The following ERBB4 variants were observed in gnomAD, a reference collection of about 807,000 sequenced individuals.
ERBB4 encodes the protein erb-b2 receptor tyrosine kinase 4.
In ERBB4, 42 loss-of-function variants were observed where a neutral mutation model predicts 158.0. The ratio of observed to expected loss-of-function variants is 0.27; its 90% CI spans 0.21 to 0.34. The LOEUF is 0.34. Ranked by LOEUF, ERBB4 falls within the 10% of genes least tolerant of loss-of-function variation. ERBB4 has a pLI of 1.00. For missense variants in ERBB4, 1,333 were observed against 1,624.1 expected (o/e 0.82, Z 3.08); for synonymous variants, 583 against 558.7 (o/e 1.04, Z -0.61).
intron 1 of ERBB4, among the ~76,000 whole-genome samples, chr2:212,493,465 GT>G (rs1311220349): frequency 6.6e-6 from 1 of 151,308 alleles, no homozygotes; most frequent in Non-Finnish European, 1.5e-5. Context: ...TGCTAATATT[GT>G]TTATGTTTAA....
chr2:211,878,298 C>G, intron 3 of ERBB4, among the ~76,000 whole-genome samples: 1 of 151,790 alleles, frequency 6.6e-6, no homozygotes, highest in Admixed American at 6.6e-5. Context: ...TAGGCCTAAA[C>G]AACTAAAGAA....
intron 1 of ERBB4, among the ~76,000 whole-genome samples, chr2:212,280,094 T>G (rs1362260839): frequency 6.6e-6 from 1 of 151,496 alleles, no homozygotes; most frequent in Non-Finnish European, 1.5e-5. Context: ...AATAAATTAT[T>G]TGAAAAATAA....
intron 1 of ERBB4, among the ~76,000 whole-genome samples, chr2:212,403,713 T>C (rs1458291420): frequency 1.3e-5 from 2 of 152,030 alleles, no homozygotes; most frequent in Non-Finnish European, 2.9e-5. Flanking sequence ...GAATGGTGAC[T>C]GCCAGGGACT....
At chr2:211,723,925 A>G (rs1392360808) in intron 6 of ERBB4, among the ~76,000 whole-genome samples, 1 of 152,226 alleles carries the variant, frequency 6.6e-6, no homozygotes, top group Non-Finnish European at 1.5e-5. Flanking sequence ...AAAGTAATGA[A>G]ATGATAATTT....
In ERBB4 at chr2:211,485,207, C is replaced by G. The variant is rs561184838; in HGVS notation, c.2488-54107G>C. ...ACCTTCTTTTTGTGTCTTAGTTTTACAAATCTTGATTGACTTTGTGAAATA... is the reference window on the plus strand; with the variant it reads ...ACCTTCTTTTTGTGTCTTAGTTTTAGAAATCTTGATTGACTTTGTGAAATA... On this transcript the variant is annotated intron_variant, in intron 20 of 27. Transcript: ENST00000342788. Among the ~76,000 whole-genome samples, 16 of 151,768 alleles carry G rather than the reference C, an allele frequency of 1.1e-4. No individual in the cohort carries two copies. In the East Asian group the frequency reaches 2.9e-3, roughly 28 times the overall value.
intron 3 of ERBB4, among the ~76,000 whole-genome samples, chr2:211,823,607 T>A (rs760444738): frequency 1.1e-4 from 17 of 152,032 alleles, no homozygotes; most frequent in Non-Finnish European, 2.2e-4. Flanking sequence ...TGTAATCTTA[T>A]CTAACTTAAA....
intron 2 of ERBB4, among the ~76,000 whole-genome samples, chr2:212,079,999 T>C (rs1341889608): frequency 6.6e-6 from 1 of 151,910 alleles, no homozygotes; most frequent in African/African-American, 2.4e-5. Context: ...AGTTCATTAA[T>C]CATAAAAGGA....
chr2:212,298,775 T>A (rs987833304), intron 1 of ERBB4, among the ~76,000 whole-genome samples: 3 of 151,738 alleles, frequency 2.0e-5, no homozygotes, highest in Admixed American at 2.0e-4. Flanking sequence ...AATAGCAAAA[T>A]GATTTTTTTG....
At chr2:211,770,221 C>G (rs2075656522) in intron 4 of ERBB4, among the ~76,000 whole-genome samples, 1 of 152,142 alleles carries the variant, frequency 6.6e-6, no homozygotes. Context: ...ATGTTCCTTG[C>G]TTTGTATTTT....
chr2:212,388,165 T>C (rs2090740267), intron 1 of ERBB4, among the ~76,000 whole-genome samples: 1 of 152,108 alleles, frequency 6.6e-6, no homozygotes, highest in South Asian at 2.1e-4. Context: ...CTGTACTAAC[T>C]AGAGTTTTAT....
intron 3 of ERBB4, among the ~76,000 whole-genome samples, chr2:211,856,799 A>T (rs1033451355): frequency 6.6e-6 from 1 of 152,110 alleles, no homozygotes; most frequent in South Asian, 2.1e-4. Context: ...ATTTGATACA[A>T]CTATTATTAA....
At chr2:212,422,102 G>A (rs1162653539) in intron 1 of ERBB4, among the ~76,000 whole-genome samples, 2 of 152,168 alleles carry the variant, frequency 1.3e-5, no homozygotes, top group African/African-American at 2.4e-5. Context: ...TTAGAATCTT[G>A]TAATATGACT....
At position 212,013,939 on chromosome 2, in the gene ERBB4, C is replaced by T. The variant is rs536388570; in HGVS notation, c.235-66323G>A. On this transcript the variant is annotated intron_variant, in intron 2 of 27. Transcript: ENST00000342788. Reference sequence around the variant, plus strand: ...GTTTTAAGCCACCCAGTTTGTCATACGTCATTACTGCAGCCCTAAGAAGCT... The same window carrying T: ...GTTTTAAGCCACCCAGTTTGTCATATGTCATTACTGCAGCCCTAAGAAGCT... 3.9e-5 allele frequency among the ~76,000 whole-genome samples: 6 copies of T among 152,306 alleles called. No homozygotes were observed. In the South Asian group the frequency reaches 6.2e-4, roughly 16 times the overall value.
chr2:211,400,865 G>A (rs1387275115), intron 25 of ERBB4, among the ~76,000 whole-genome samples: 1 of 151,990 alleles, frequency 6.6e-6, no homozygotes, highest in Admixed American at 6.6e-5. Flanking sequence ...AACATTGTAT[G>A]CCTGTATCAA....
At chr2:212,432,616 G>C (rs540912571) in intron 1 of ERBB4, among the ~76,000 whole-genome samples, 40 of 152,150 alleles carry the variant, frequency 2.6e-4, no homozygotes, top group African/African-American at 9.4e-4. Context: ...ACCAACAGCA[G>C]GAATTAGCAG....
At chr2:211,646,115 G>C (rs1160270415) in intron 16 of ERBB4, among the ~76,000 whole-genome samples, 3 of 151,346 alleles carry the variant, frequency 2.0e-5, no homozygotes, top group Non-Finnish European at 4.4e-5. Flanking sequence ...GTAAGTTATT[G>C]AATAATGTGT....
chr2:212,451,643 A>T (rs769982986), intron 1 of ERBB4, among the ~76,000 whole-genome samples: 19 of 152,206 alleles, frequency 1.2e-4, no homozygotes, highest in Non-Finnish European at 2.2e-4. Flanking sequence ...ATAACCTAAC[A>T]GTGCTACACA....
chr2:212,438,278 T>C (rs2092180937), intron 1 of ERBB4, among the ~76,000 whole-genome samples: 1 of 152,154 alleles, frequency 6.6e-6, no homozygotes, highest in East Asian at 1.9e-4. Flanking sequence ...ATATAAATTC[T>C]AGTAAGTTAT....
Position 212,067,731 on chromosome 2 carries a change from G to A in ERBB4, c.234+57021C>T, listed in dbSNP as rs112698098. Among the ~76,000 whole-genome samples the A allele has an allele frequency of 5.8e-3, 881 of 152,130 alleles. 6 individuals are homozygous for A. Among genetic ancestry groups the A allele is most frequent in the Middle Eastern group, 0.01 (3 of 294 alleles). ...CATTGTCAGAACAAGACTCCCTATT[G>A]TAATGAGACATCCCTCCTCTTAATT... On this transcript the variant is annotated intron_variant, in intron 2 of 27. Transcript: ENST00000342788.
Sources: gnomAD v4.1 joint callset for allele counts (sites outside exome capture counted in the v4.1 genomes callset) on GRCh38, gnomAD v4.1.1 for gene constraint, MANE v1.5 for transcripts, NCBI Gene and HGNC (gene_info 2026-07-23, HGNC 2026-07-21) for gene names.